TMEM233: variants seen among roughly 807,000 people sequenced by gnomAD.
TMEM233 encodes transmembrane protein 233, also known as dispanin subfamily B member 2.
TMEM233 carries 6 observed loss-of-function variants against 11.2 expected under a neutral mutation model. The ratio of observed to expected loss-of-function variants is 0.54; its 90% CI spans 0.29 to 1.06. TMEM233 has a LOEUF of 1.06. TMEM233 is among the 50% of genes least tolerant of loss of function. The pLI is 0.08. For missense variants in TMEM233, 127 were observed against 144.7 expected (o/e 0.88, Z 0.63); for synonymous variants, 59 against 55.8 (o/e 1.06, Z -0.26).
intron 1 of TMEM233, among the ~76,000 whole-genome samples, chr12:119,622,964 T>C (rs1179387702): frequency 5.3e-5 from 8 of 152,154 alleles, no homozygotes; most frequent in Non-Finnish European, 1.2e-4. Flanking sequence ...ACATACAAGA[T>C]GCCAGAGTGG....
the TMEM233 span, among the ~76,000 whole-genome samples, chr12:119,648,557 G>A: frequency 1.3e-5 from 2 of 152,130 alleles, no homozygotes; most frequent in African/African-American, 4.8e-5. Context: ...ACACTTCCCC[G>A]TGGTTTCACT....
At chr12:119,596,725 T>C (rs1954056863) in intron 1 of TMEM233, among the ~76,000 whole-genome samples, 1 of 152,096 alleles carries the variant, frequency 6.6e-6, no homozygotes, top group Non-Finnish European at 1.5e-5. Flanking sequence ...ACTCCTGACC[T>C]CAAGTGATCT....
chr12:119,624,203 A>AG (rs1303783614), intron 1 of TMEM233, among the ~76,000 whole-genome samples: 1 of 151,300 alleles, frequency 6.6e-6, no homozygotes, highest in South Asian at 2.1e-4. Context: ...TTAAAAAAAA[A>AG]ACAAAAATTA....
chr12:119,640,596 CAG>C (rs1228531076), intron 2 of TMEM233, 101 bp from the exon 3 acceptor site: 14 of 1,310,118 alleles, frequency 1.1e-5, no homozygotes, highest in African/African-American at 1.5e-5. Context: ...TGTGTTTAAC[CAG>C]AGTCATCATC....
At position 119,601,897 on chromosome 12, in the gene TMEM233, G is replaced by T. The variant is rs7295362; in HGVS notation, c.186+7863G>T. On this transcript the variant is annotated intron_variant, in intron 1 of 2. Coordinates refer to ENST00000426426, the MANE Select transcript of TMEM233 (RefSeq NM_001136534.3). ...AAGTCAAGAAAAGGACACAGGATCCGGAAAAGGGATTCAACATAGAAAAGA... is the reference window on the plus strand; with the variant it reads ...AAGTCAAGAAAAGGACACAGGATCCTGAAAAGGGATTCAACATAGAAAAGA... 2.6e-5 allele frequency among the ~76,000 whole-genome samples: 4 copies of T among 152,096 alleles called. No individual in the cohort carries two copies. The South Asian group carries it at 8.3e-4, about 32-fold the overall frequency.
chr12:119,644,478 C>CTTTTT (rs58075242), downstream of TMEM233, among the ~76,000 whole-genome samples: 51 of 126,930 alleles, frequency 4.0e-4, no homozygotes, highest in South Asian at 5.3e-4. Flanking sequence ...TTTTTCTTTT[C>CTTTTT]TTTTTTTTTT....
chr12:119,618,687 A>G (rs888371509), intron 1 of TMEM233, among the ~76,000 whole-genome samples: 5 of 152,112 alleles, frequency 3.3e-5, no homozygotes, highest in Admixed American at 6.5e-5. Context: ...GTTTTGGCCA[A>G]TTTCTCCCTT....
At chr12:119,638,717 T>C (rs1195607198) in intron 2 of TMEM233, among the ~76,000 whole-genome samples, 3 of 152,120 alleles carry the variant, frequency 2.0e-5, no homozygotes, top group African/African-American at 7.2e-5. Context: ...TGTATTCATA[T>C]GATGGGACGC....
downstream of TMEM233, among the ~76,000 whole-genome samples, chr12:119,643,645 G>A (rs1053296961): frequency 2.0e-5 from 3 of 152,234 alleles, no homozygotes. Context: ...GCGGGCGCCT[G>A]TAGTCCCAGC....
chr12:119,648,740 TAATG>T, the TMEM233 span, among the ~76,000 whole-genome samples: 9 of 152,294 alleles, frequency 5.9e-5, no homozygotes, highest in African/African-American at 1.7e-4. Context: ...AATAGTTATT[TAATG>T]AATGAATGAA....
At chr12:119,647,339 T>C (rs189061593), downstream of TMEM233, among the ~76,000 whole-genome samples, 1 of 152,390 alleles carries the variant, frequency 6.6e-6, no homozygotes, top group East Asian at 1.9e-4. Flanking sequence ...TCTTTTGTAG[T>C]TAAGACAAGC....
intron 1 of TMEM233, among the ~76,000 whole-genome samples, chr12:119,612,792 C>T (rs1007612381): frequency 1.1e-4 from 17 of 150,080 alleles, no homozygotes; most frequent in South Asian, 2.1e-4. Flanking sequence ...TGGTGGTGTG[C>T]GCCTGTAGTC....
In TMEM233 at chr12:119,594,860, C is replaced by G. The variant is rs1384800595; in HGVS notation, c.186+826C>G. Among the ~76,000 whole-genome samples, 4 of 152,266 alleles carry G rather than the reference C, an allele frequency of 2.6e-5. No homozygotes were observed. In the East Asian group the frequency reaches 7.8e-4, roughly 30 times the overall value. Reference sequence around the variant, plus strand: ...CTACCCAGCGCGTCGTAGTTCCTCCCCGTTTGCTGCGCACTGGCCCTAACC... The same window carrying G: ...CTACCCAGCGCGTCGTAGTTCCTCCGCGTTTGCTGCGCACTGGCCCTAACC... On this transcript the variant is annotated intron_variant, in intron 1 of 2. Transcript: ENST00000426426. This position sits in a 1 kb window ranked among gnomAD's most constrained non-coding sequence, Gnocchi z 5.6.
rs577741546 is a variant in TMEM233 at position 119,598,107 on chromosome 12, A to C, written c.186+4073A>C. ...CCTGGAGAAAGAATATTTATTTGTT[A>C]TTCAACATGTACTTATTGAGCATCT... On this transcript the variant is annotated intron_variant, in intron 1 of 2. Coordinates refer to ENST00000426426, the MANE Select transcript of TMEM233 (RefSeq NM_001136534.3). Among the ~76,000 whole-genome samples the C allele has an allele frequency of 3.0e-4, 46 of 152,308 alleles. No individual in the cohort carries two copies. The South Asian group carries it at 5.0e-3, about 16-fold the overall frequency.
At chr12:119,604,828 C>T (rs1381852350) in intron 1 of TMEM233, among the ~76,000 whole-genome samples, 1 of 151,992 alleles carries the variant, frequency 6.6e-6, no homozygotes, top group Non-Finnish European at 1.5e-5. Flanking sequence ...GAAACAGGGT[C>T]TCCCTGTGTT....
chr12:119,611,211 G>A (rs1455356370), intron 1 of TMEM233, among the ~76,000 whole-genome samples: 1 of 143,048 alleles, frequency 7.0e-6, no homozygotes, highest in Non-Finnish European at 1.6e-5. Flanking sequence ...GAATTGTTGG[G>A]TGGTATGATA....
Position 119,608,892 on chromosome 12 carries a change from C to T in TMEM233, c.186+14858C>T, listed in dbSNP as rs574441505. On this transcript the variant is annotated intron_variant, in intron 1 of 2. Transcript: ENST00000426426. ...TATGGCAGCCCTGGAGATAAATGCCCGCCTTTCTTGGGTATTTCTTCATAG... is the reference window on the plus strand; with the variant it reads ...TATGGCAGCCCTGGAGATAAATGCCTGCCTTTCTTGGGTATTTCTTCATAG... 1.2e-4 allele frequency among the ~76,000 whole-genome samples: 19 copies of T among 152,216 alleles called. No individual in the cohort carries two copies. In the South Asian group the frequency reaches 3.1e-3, roughly 25 times the overall value.
intron 1 of TMEM233, among the ~76,000 whole-genome samples, chr12:119,618,032 T>C (rs775954916): frequency 2.6e-5 from 4 of 152,226 alleles, no homozygotes; most frequent in Non-Finnish European, 5.9e-5. Flanking sequence ...AGGGACCCCC[T>C]GCTGTGTGCA....
intron 1 of TMEM233, among the ~76,000 whole-genome samples, chr12:119,627,019 G>C (rs192135452): frequency 6.6e-6 from 1 of 152,238 alleles, no homozygotes; most frequent in Non-Finnish European, 1.5e-5. Context: ...TGGGGAAACC[G>C]GGGAAAAGGC....
Sources: gnomAD v4.1 joint callset for allele counts (sites outside exome capture counted in the v4.1 genomes callset) on GRCh38, gnomAD v4.1.1 for gene constraint, Gnocchi (gnomAD v3.1) non-coding constraint, MANE v1.5 for transcripts, NCBI Gene and HGNC (gene_info 2026-07-23, HGNC 2026-07-21) for gene names.